The following ABCC5 variants were observed in gnomAD, a reference collection of about 807,000 sequenced individuals.
ABCC5 encodes the protein ATP-binding cassette sub-family C member 5.
Under a neutral mutation model 160.9 loss-of-function variants are expected in ABCC5, and 61 were observed. That is an observed-to-expected ratio of 0.38 (90% CI 0.31 to 0.47). The LOEUF is 0.47. Among genes scored for constraint, ABCC5 ranks in the 20% least tolerant of loss-of-function variants. The pLI, the probability that ABCC5 is intolerant of heterozygous loss-of-function variation, is 0.99. For synonymous variants in ABCC5, 666 were observed against 700.6 expected (o/e 0.95, Z 0.78); for missense variants, 1,308 against 1,813.3 (o/e 0.72, Z 5.06).
At position 183,921,082 on chromosome 3, in the gene ABCC5, G is replaced by A. The variant is rs1711923082; in HGVS notation, c.*218C>T. The A allele has an allele frequency of 2.4e-6, 1 of 419,618 alleles. No homozygotes were observed. The allele number at this position is 419,618 out of a possible 1,614,324, so 26.0% of individuals were successfully genotyped here. A position where few individuals can be genotyped will look rare whatever the true frequency, so the allele number is the denominator to read the frequency against. On this transcript the variant is annotated 3_prime_UTR_variant, in exon 30 of 30. Transcript: ENST00000334444. The surrounding 1 kb of genome is among the most constrained non-coding windows in gnomAD (Gnocchi z 4.1). ...CCTGAACCTTTTAGAGTGCAATTAA[G>A]AACAAAAACTAAATTTTGTTTACAT...
At chr3:183,941,720 CA>C (rs1714370991) in intron 25 of ABCC5, among the ~76,000 whole-genome samples, 1 of 152,094 alleles carries the variant, frequency 6.6e-6, no homozygotes, top group Non-Finnish European at 1.5e-5. Context: ...TGCGATGGCT[CA>C]CACCTGTAAT....
chr3:183,960,282 C>T (rs1716601391), intron 16 of ABCC5, among the ~76,000 whole-genome samples: 1 of 152,172 alleles, frequency 6.6e-6, no homozygotes, highest in Non-Finnish European at 1.5e-5. Flanking sequence ...AGCTCCTCTC[C>T]CATCTCACTG....
intron 14 of ABCC5, among the ~76,000 whole-genome samples, 189 bp downstream of exon 14, chr3:183,964,996 C>G (rs924185366): frequency 1.3e-5 from 2 of 152,224 alleles, no homozygotes; most frequent in African/African-American, 4.8e-5. Flanking sequence ...AAAATACTTA[C>G]AACCTTAAAA....
At chr3:183,938,091 G>A in intron 25 of ABCC5, 31 bp from the exon 26 acceptor site, 1 of 1,608,512 alleles carries the variant, frequency 6.2e-7, no homozygotes, top group Non-Finnish European at 8.5e-7. Flanking sequence ...CAAGAGAGGA[G>A]CTGTTAGCAA....
At chr3:183,980,781 C>T (rs1254760775) in intron 8 of ABCC5, among the ~76,000 whole-genome samples, 1 of 150,594 alleles carries the variant, frequency 6.6e-6, no homozygotes, top group Non-Finnish European at 1.5e-5. Context: ...GGTGTGATCT[C>T]AGCTCACTGC....
At chr3:184,009,192 T>C (rs1721485174) in intron 2 of ABCC5, among the ~76,000 whole-genome samples, 1 of 152,148 alleles carries the variant, frequency 6.6e-6, no homozygotes, top group Admixed American at 6.5e-5. Flanking sequence ...TAATTCCACG[T>C]GTTAAAGGCT....
At chr3:183,930,365 C>T (rs1381081040) in intron 26 of ABCC5, among the ~76,000 whole-genome samples, 3 of 152,232 alleles carry the variant, frequency 2.0e-5, no homozygotes, top group South Asian at 4.1e-4. Flanking sequence ...GCGTTTTTCC[C>T]GCTTGGAACA....
chr3:183,925,815 C>T (rs1712482945), intron 28 of ABCC5, 96 bp from the exon 29 acceptor site: 8 of 1,158,736 alleles, frequency 6.9e-6, no homozygotes, highest in African/African-American at 1.6e-5. Flanking sequence ...TTAAGTTTTA[C>T]ACTATCTATT....
At chr3:184,006,857 G>A (rs1721254969) in intron 2 of ABCC5, among the ~76,000 whole-genome samples, 1 of 152,008 alleles carries the variant, frequency 6.6e-6, no homozygotes, top group Non-Finnish European at 1.5e-5. Context: ...AAGAGCCCTG[G>A]ATTTTATGAA....
intron 8 of ABCC5, among the ~76,000 whole-genome samples, chr3:183,979,640 G>GTGTGAT: frequency 6.6e-6 from 1 of 152,236 alleles, no homozygotes; most frequent in East Asian, 1.9e-4. Flanking sequence ...GAGTGCAGTG[G>GTGTGAT]CACAATCACG....
rs1718831974 is a variant in ABCC5, at chr3:183,982,459, G to C, written c.991C>G (p.Pro331Ala). 1 of 1,613,534 alleles carries C rather than the reference G, an allele frequency of 6.2e-7. No homozygotes were observed. The highest frequency in any genetic ancestry group is 8.5e-7 in the Non-Finnish European group (1 of 1,179,792). ...LGSAVFILFY[P>A]AMMFASRLTA... The stretch of plus-strand genomic sequence containing the variant: ...CTGGGAGGCTTACTCACCATTGCTG[G>C]GTAAAAGAGGATAAAAACAGCTGAT... Residue 331 changes from proline (P) to alanine (A), a missense_variant, in exon 7 of 30, where the codon CCA becomes GCA. Physicochemically the swap from Pro to Ala is conservative, Grantham distance 27. Transcript: ENST00000334444. This position sits in a 1 kb window ranked among gnomAD's most constrained non-coding sequence, Gnocchi z 5.2.
intron 25 of ABCC5, among the ~76,000 whole-genome samples, chr3:183,939,258 C>A (rs575253296): frequency 6.6e-6 from 1 of 152,236 alleles, no homozygotes; most frequent in South Asian, 2.1e-4. Flanking sequence ...CATGGTGAAA[C>A]CCTGTCTCTA....
chr3:183,952,688 A>G (rs904519403), intron 18 of ABCC5, among the ~76,000 whole-genome samples: 2 of 152,146 alleles, frequency 1.3e-5, no homozygotes, highest in African/African-American at 4.8e-5. Flanking sequence ...CCTTGTGAAG[A>G]AGGTGCCTCC....
chr3:183,971,680 G>T lies in ABCC5; in HGVS notation c.1644C>A (p.His548Gln). 5 of 1,614,192 alleles carry T rather than the reference G, an allele frequency of 3.1e-6. No homozygotes were observed. The highest frequency in any genetic ancestry group is 4.2e-6 in the Non-Finnish European group (5 of 1,180,024). ...HQAVLAEQKG[H>Q]LLLDSDERPS... is the part of the protein sequence containing the mutation. ...GCCGCTCGTCACTGTCCAGGAGGAGGTGGCCTTTCTGCTCTGCCAGCACCG... is the reference window on the plus strand; with the variant it reads ...GCCGCTCGTCACTGTCCAGGAGGAGTTGGCCTTTCTGCTCTGCCAGCACCG... Residue 548 changes from histidine to glutamine, a missense_variant, in exon 11 of 30, where the codon CAC becomes CAA. Coordinates refer to ENST00000334444, the MANE Select transcript of ABCC5 (RefSeq NM_005688.4).
Position 183,951,322 on chromosome 3 carries a change from A to G in ABCC5, c.2944+119T>C. 1 of 1,335,286 alleles carries G rather than the reference A, an allele frequency of 7.5e-7. No individual in the cohort carries two copies. Among genetic ancestry groups the G allele is most frequent in the East Asian group, 2.4e-5 (1 of 42,292 alleles). The allele number at this position is 1,335,286 out of a possible 1,614,324, so 82.7% of individuals were successfully genotyped here. Reference sequence around the variant, plus strand: ...TTGCAATGTTCCTGGTGAAAACACCAGCAGTCACTGTGCTCTCAGGATCTA... The same window carrying G: ...TTGCAATGTTCCTGGTGAAAACACCGGCAGTCACTGTGCTCTCAGGATCTA... On this transcript the variant is annotated intron_variant, in intron 20 of 29. Transcript: ENST00000334444. This position sits in a 1 kb window ranked among gnomAD's most constrained non-coding sequence, Gnocchi z 4.7.
chr3:183,930,948 A>T (rs899918903), intron 26 of ABCC5, among the ~76,000 whole-genome samples: 2 of 152,186 alleles, frequency 1.3e-5, no homozygotes, highest in Non-Finnish European at 2.9e-5. Context: ...ATCCACAAGG[A>T]TATGCTCCAG....
chr3:183,956,472 G>A (rs149784284), intron 17 of ABCC5, among the ~76,000 whole-genome samples: 291 of 147,974 alleles, frequency 2.0e-3, no homozygotes, highest in African/African-American at 7.1e-3. Context: ...ATGCGGATCC[G>A]TGTGTATATC....
intron 25 of ABCC5, chr3:183,942,340 T>C: frequency 2.2e-6 from 1 of 458,442 alleles, no homozygotes; most frequent in South Asian, 1.6e-5. Context: ...AGCCTACTGA[T>C]AGTTTTAAAA....
chr3:183,927,187 G>A (rs1712667321), intron 28 of ABCC5, 143 bp downstream of exon 28: 4 of 801,910 alleles, frequency 5.0e-6, no homozygotes, highest in Non-Finnish European at 7.7e-6. Context: ...AATTGTGTCA[G>A]GGTTAGAGTT....
Sources: gnomAD v4.1 joint callset for allele counts (sites outside exome capture counted in the v4.1 genomes callset) on GRCh38, gnomAD v4.1.1 for gene constraint, Gnocchi (gnomAD v3.1) non-coding constraint, MANE v1.5 for transcripts, NCBI Gene and HGNC (gene_info 2026-07-23, HGNC 2026-07-21) for gene names.